The following NELL2 variants were observed in gnomAD, a reference collection of about 807,000 sequenced individuals.
The protein encoded by NELL2 is protein kinase C-binding protein NELL2.
In NELL2, 41 loss-of-function variants were observed where a neutral mutation model predicts 109.6. That is an observed-to-expected ratio of 0.37 (90% CI 0.29 to 0.49). The LOEUF (loss-of-function observed/expected upper bound fraction) is 0.49, where lower values mean the gene tolerates loss of function less well. Ranked by LOEUF, NELL2 falls within the 20% of genes least tolerant of loss-of-function variation. The pLI, the probability that NELL2 is intolerant of heterozygous loss-of-function variation, is 0.98. For synonymous variants in NELL2, 355 were observed against 344.7 expected, an observed-to-expected ratio of 1.03 and a Z score of -0.33; for missense variants, 900 against 1,008.3, an observed-to-expected ratio of 0.89 and a Z score of 1.45.
chr12:44,647,455 G>A (rs573854407), intron 13 of NELL2, among the ~76,000 whole-genome samples: 74 of 152,192 alleles, frequency 4.9e-4, no homozygotes, highest in African/African-American at 1.8e-3. Flanking sequence ...GCATAGAGAT[G>A]AAAAAGACAT....
chr12:44,617,846 T>C (rs1014389947), intron 13 of NELL2, among the ~76,000 whole-genome samples: 1 of 152,140 alleles, frequency 6.6e-6, no homozygotes, highest in Non-Finnish European at 1.5e-5. Context: ...GCTAGATAGA[T>C]GTCTTCTCTT....
intron 12 of NELL2, among the ~76,000 whole-genome samples, chr12:44,681,785 T>C (rs1403318691): frequency 6.6e-6 from 1 of 152,130 alleles, no homozygotes; most frequent in Non-Finnish European, 1.5e-5. Flanking sequence ...CCATGGTGTA[T>C]ATGTGCCACA....
Position 44,533,995 on chromosome 12 carries a change from T to C in NELL2, c.1664-1274A>G, listed in dbSNP as rs115863122. On this transcript the variant is annotated intron_variant, in intron 15 of 19. Coordinates refer to ENST00000429094, the MANE Select transcript of NELL2 (RefSeq NM_001145108.2). ...TCCCTGCTTCTGTGACCAGGCACAA[T>C]GACATCCTTCAAGTTGAAGGTAAGG... is the stretch of plus-strand genomic sequence containing the variant. Among the ~76,000 whole-genome samples, 967 of 152,210 alleles carry C rather than the reference T, an allele frequency of 6.4e-3. 10 individuals carry two copies. Among genetic ancestry groups the C allele is most frequent in the African/African-American group, 0.022 (929 of 41,530 alleles).
At chr12:44,600,832 ATTATATGCTCTTTGTACTTTTAAATT>A (rs770992169) in intron 15 of NELL2, among the ~76,000 whole-genome samples, 1 of 152,220 alleles carries the variant, frequency 6.6e-6, no homozygotes, top group Non-Finnish European at 1.5e-5. Flanking sequence ...TTTACTTTTC[ATTATATGCTCTTTGTACTTTTAAATT>A]TTATACAATA....
At chr12:44,697,645 A>G (rs1749901178) in intron 12 of NELL2, among the ~76,000 whole-genome samples, 1 of 152,196 alleles carries the variant, frequency 6.6e-6, no homozygotes, top group Non-Finnish European at 1.5e-5. Context: ...GTCAGATAAG[A>G]TAAAAAGAGA....
At chr12:44,898,789 T>G (rs796700341) in intron 1 of NELL2, among the ~76,000 whole-genome samples, 6 of 152,062 alleles carry the variant, frequency 3.9e-5, no homozygotes, top group African/African-American at 1.4e-4. Context: ...CTTCAGAAGG[T>G]GGGTAATAAC....
chr12:44,821,904 T>C (rs561385322), intron 2 of NELL2, among the ~76,000 whole-genome samples: 2 of 149,950 alleles, frequency 1.3e-5, no homozygotes, highest in South Asian at 4.2e-4. Flanking sequence ...TTTATTTATT[T>C]ATTTATTTAT....
chr12:44,812,519 T>C (rs1943212015), intron 3 of NELL2, among the ~76,000 whole-genome samples: 1 of 152,226 alleles, frequency 6.6e-6, no homozygotes, highest in Admixed American at 6.5e-5. Context: ...ATATGTTTCA[T>C]TTTATCTTGT....
chr12:44,651,918 AT>A (rs1947313768), intron 13 of NELL2, among the ~76,000 whole-genome samples: 1 of 152,178 alleles, frequency 6.6e-6, no homozygotes, highest in Admixed American at 6.5e-5. Context: ...TTCAGCTGTA[AT>A]TGATAGTTGA....
chr12:44,846,269 A>T (rs1944367062), intron 2 of NELL2, among the ~76,000 whole-genome samples: 1 of 152,220 alleles, frequency 6.6e-6, no homozygotes, highest in South Asian at 2.1e-4. Flanking sequence ...CTTTGGAGCC[A>T]TCGTAGTTAA....
At chr12:44,733,551 TAGG>T (rs937470039) in intron 9 of NELL2, among the ~76,000 whole-genome samples, 27 of 151,822 alleles carry the variant, frequency 1.8e-4, no homozygotes, top group African/African-American at 6.3e-4. Flanking sequence ...TTCCAGGCGC[TAGG>T]AGGAGAAGAA....
chr12:44,844,933 T>C (rs1253340379), intron 2 of NELL2, among the ~76,000 whole-genome samples: 1 of 152,154 alleles, frequency 6.6e-6, no homozygotes, highest in South Asian at 2.1e-4. Flanking sequence ...AATCATTCTA[T>C]TATCTCAATT....
intron 9 of NELL2, among the ~76,000 whole-genome samples, chr12:44,754,648 A>G (rs1940803542): frequency 6.6e-6 from 1 of 152,204 alleles, no homozygotes; most frequent in Non-Finnish European, 1.5e-5. Context: ...TATATTGGAA[A>G]AAAGATAAAA....
At chr12:44,597,842 G>A (rs1241291892) in intron 15 of NELL2, among the ~76,000 whole-genome samples, 1 of 152,198 alleles carries the variant, frequency 6.6e-6, no homozygotes, top group Non-Finnish European at 1.5e-5. Flanking sequence ...AGAACACAAT[G>A]AGTGTGGGCC....
intron 13 of NELL2, among the ~76,000 whole-genome samples, chr12:44,642,987 T>C (rs971045527): frequency 2.0e-5 from 3 of 152,176 alleles, no homozygotes; most frequent in African/African-American, 7.2e-5. Context: ...CTTCCACACA[T>C]ACACACATTT....
intron 1 of NELL2, among the ~76,000 whole-genome samples, chr12:44,902,848 A>G (rs1269360746): frequency 6.6e-6 from 1 of 152,246 alleles, no homozygotes. Flanking sequence ...CTGGCTAGCC[A>G]TAGGCAGAAA....
At position 44,837,470 on chromosome 12, in the gene NELL2, T is replaced by C. The variant is rs574381931; in HGVS notation, c.185-21334A>G. The stretch of plus-strand genomic sequence containing the variant: ...GTTTTCCGCTGATAAGTGGTAGAAC[T>C]AGGACTTGAGCCCAGGTAGTCTACT... On this transcript the variant is annotated intron_variant, in intron 2 of 19. Coordinates refer to ENST00000429094, the MANE Select transcript of NELL2 (RefSeq NM_001145108.2). Among the ~76,000 whole-genome samples the C allele has an allele frequency of 8.5e-5, 13 of 152,252 alleles. 1 individual carries two copies. In the South Asian group the frequency reaches 2.3e-3, roughly 27 times the overall value.
intron 13 of NELL2, among the ~76,000 whole-genome samples, chr12:44,645,578 T>C (rs1233648542): frequency 6.6e-6 from 1 of 152,194 alleles, no homozygotes; most frequent in Non-Finnish European, 1.5e-5. Flanking sequence ...CATTTTCTTA[T>C]TTTAAATCCC....
chr12:44,842,672 C>T (rs1424993769), intron 2 of NELL2, among the ~76,000 whole-genome samples: 1 of 152,078 alleles, frequency 6.6e-6, no homozygotes, highest in Admixed American at 6.6e-5. Flanking sequence ...TAAACTGTGT[C>T]CCCCCAAAAA....
Sources: allele counts gnomAD v4.1 joint callset (sites outside exome capture counted in the v4.1 genomes callset), GRCh38; gene constraint gnomAD v4.1.1; transcripts MANE v1.5; gene names NCBI Gene and HGNC (gene_info 2026-07-23, HGNC 2026-07-21).